Variants in HSD17B12 observed in about 807,000 individuals in gnomAD.
HSD17B12 encodes the protein very-long-chain 3-oxoacyl-CoA reductase.
In HSD17B12, 32 loss-of-function variants were observed where a neutral mutation model predicts 39.3. The ratio of observed to expected loss-of-function variants is 0.81; its 90% CI spans 0.61 to 1.09. The LOEUF (loss-of-function observed/expected upper bound fraction) is 1.09. Among genes scored for constraint, HSD17B12 ranks in the 50% least tolerant of loss-of-function variants. The pLI is 0.00. For missense variants in HSD17B12, 342 were observed against 382.9 expected, an observed-to-expected ratio of 0.89 and a Z score of 0.89; for synonymous variants, 150 against 146.7, an observed-to-expected ratio of 1.02 and a Z score of -0.16.
At chr11:43,585,695 T>C in the HSD17B12 span, among the ~76,000 whole-genome samples, 2 of 152,174 alleles carry the variant, frequency 1.3e-5, no homozygotes, top group South Asian at 4.1e-4. Context: ...AAGTTCCCCT[T>C]TTGAATATAA....
chr11:43,577,610 G>GC, the HSD17B12 span, among the ~76,000 whole-genome samples: 566 of 152,108 alleles, frequency 3.7e-3, 8 homozygotes, highest in East Asian at 0.034. Context: ...CCCACTTCAT[G>GC]CCCCCCATAC....
chr11:43,680,688 C>T, upstream of HSD17B12: 1 of 764,136 alleles, frequency 1.3e-6, no homozygotes, highest in Non-Finnish European at 2.3e-6. Context: ...GGATATGGCC[C>T]CGCGGGCGGG....
In HSD17B12 at chr11:43,854,855, T is replaced by C. The variant is rs149243227; in HGVS notation, c.825T>C (p.His275=). ...CCCGAACCAATGGATACCTGATCCA[T>C]GCTCTTATGGTAGGTAGATTTTTTG... ...LQSRTNGYLI[H]ALMGSIISNL... Residue 275 remains histidine (H), a synonymous_variant, in exon 10 of 11, where the codon CAT becomes CAC. Transcript: ENST00000278353. 817 of 1,614,066 alleles carry C rather than the reference T, an allele frequency of 5.1e-4. 7 individuals are homozygous for C. In the African/African-American group the frequency reaches 0.01, roughly 20 times the overall value.
chr11:43,624,162 G>C, the HSD17B12 span, among the ~76,000 whole-genome samples: 1 of 151,968 alleles, frequency 6.6e-6, no homozygotes, highest in African/African-American at 2.4e-5. Flanking sequence ...CACTCTGCGA[G>C]TTTGAAGAGG....
chr11:43,850,392 T>C (rs911998426), intron 9 of HSD17B12, among the ~76,000 whole-genome samples: 1 of 152,180 alleles, frequency 6.6e-6, no homozygotes, highest in African/African-American at 2.4e-5. Context: ...TAAGAGTGTG[T>C]GCTGGCTACA....
the HSD17B12 span, among the ~76,000 whole-genome samples, chr11:43,603,385 T>C: frequency 3.1e-3 from 478 of 152,314 alleles, 4 homozygotes; most frequent in Non-Finnish European, 4.6e-3. Flanking sequence ...AAAAAAACTT[T>C]AGGTTGTAAT....
intron 9 of HSD17B12, chr11:43,854,508 T>G: frequency 1.9e-6 from 1 of 526,028 alleles, no homozygotes; most frequent in Non-Finnish European, 3.4e-6. Context: ...AAACTCTGTT[T>G]TATTGAGAGA....
At chr11:43,771,665 CCA>C in intron 3 of HSD17B12, among the ~76,000 whole-genome samples, 1 of 151,876 alleles carries the variant, frequency 6.6e-6, no homozygotes, top group African/African-American at 2.4e-5. Context: ...TAGGGCTTCA[CCA>C]TGTTGACCAC....
At chr11:43,718,589 T>C (rs980049637) in intron 1 of HSD17B12, 2 of 549,098 alleles carry the variant, frequency 3.6e-6, no homozygotes, top group South Asian at 2.1e-5. Context: ...CACTGTTCCA[T>C]AGCAATTTTG....
At chr11:43,676,881 G>A (rs532799177), upstream of HSD17B12, among the ~76,000 whole-genome samples, 9 of 152,276 alleles carry the variant, frequency 5.9e-5, no homozygotes, top group African/African-American at 2.2e-4. Flanking sequence ...TAAGGAGAAT[G>A]GGACTGAATA....
At chr11:43,656,363 A>G in the HSD17B12 span, among the ~76,000 whole-genome samples, 37 of 152,156 alleles carry the variant, frequency 2.4e-4, no homozygotes, top group Middle Eastern at 6.8e-3. Context: ...CCCTGGATTC[A>G]TTGATTTTTT....
At chr11:43,670,651 G>A in the HSD17B12 span, among the ~76,000 whole-genome samples, 1 of 152,206 alleles carries the variant, frequency 6.6e-6, no homozygotes, top group Non-Finnish European at 1.5e-5. Context: ...AGCACTTTGG[G>A]AGGCCAAGAC....
chr11:43,798,209 A>C, intron 3 of HSD17B12, 111 bp from the exon 4 acceptor site: 1 of 656,032 alleles, frequency 1.5e-6, no homozygotes, highest in Middle Eastern at 4.1e-4. Flanking sequence ...TTTTGTATCA[A>C]ATTGGGTGGG....
At chr11:43,657,542 G>A in the HSD17B12 span, among the ~76,000 whole-genome samples, 1 of 152,162 alleles carries the variant, frequency 6.6e-6, no homozygotes, top group African/African-American at 2.4e-5. Context: ...GCTGGTACCA[G>A]TTGTTCCTTT....
At position 43,854,658 on chromosome 11, in the gene HSD17B12, A is replaced by T. The variant is rs1951563912; in HGVS notation, c.685-57A>T. The T allele has an allele frequency of 1.9e-6, 3 of 1,575,372 alleles. No homozygotes were observed. In the Admixed American group the frequency reaches 5.1e-5, roughly 27 times the overall value. On this transcript the variant is annotated intron_variant, in intron 9 of 10. Coordinates refer to ENST00000278353, the MANE Select transcript of HSD17B12 (RefSeq NM_016142.3). ...CAGTCAAGCACCACTGTACATTCTG[A>T]GTTTGTGGCCTTACTAATCAATGGC...
At chr11:43,692,886 T>C (rs868079224) in intron 1 of HSD17B12, among the ~76,000 whole-genome samples, 4 of 152,118 alleles carry the variant, frequency 2.6e-5, no homozygotes, top group Non-Finnish European at 1.5e-5. Flanking sequence ...AAGTTAACCA[T>C]AGAGCATTGA....
chr11:43,660,621 C>A, the HSD17B12 span, among the ~76,000 whole-genome samples: 1 of 152,168 alleles, frequency 6.6e-6, no homozygotes. Flanking sequence ...AACAGTTTGG[C>A]AGTTTCTTCT....
chr11:43,800,961 A>G (rs1950961369), intron 4 of HSD17B12, among the ~76,000 whole-genome samples: 2 of 152,098 alleles, frequency 1.3e-5, no homozygotes, highest in African/African-American at 4.8e-5. Context: ...TAACATGACG[A>G]AACCCCATCT....
chr11:43,816,297 G>A (rs1041754739), intron 5 of HSD17B12, 50 bp from the exon 6 acceptor site: 47 of 1,372,326 alleles, frequency 3.4e-5, no homozygotes, highest in Non-Finnish European at 4.2e-5. Context: ...TATCTAATAG[G>A]GTCACTTTCA....
Sources: allele counts gnomAD v4.1 joint callset (sites outside exome capture counted in the v4.1 genomes callset), GRCh38; gene constraint gnomAD v4.1.1; transcripts MANE v1.5; gene names NCBI Gene and HGNC (gene_info 2026-07-23, HGNC 2026-07-21).